CRYZL1: variants seen among roughly 807,000 people sequenced by gnomAD.
CRYZL1 encodes crystallin zeta like 1, also known as ferry endosomal RAB5 effector complex subunit 4.
In CRYZL1, 34 loss-of-function variants were observed where a neutral mutation model predicts 50.6. The observed-to-expected ratio is 0.67, with a 90% CI of 0.51 to 0.89. The LOEUF (loss-of-function observed/expected upper bound fraction) is 0.89. Among genes scored for constraint, CRYZL1 ranks in the 40% least tolerant of loss-of-function variants. CRYZL1 has a pLI of 0.00. For missense variants in CRYZL1, 354 were observed against 402.3 expected (o/e 0.88, Z 1.03); for synonymous variants, 125 against 134.3 (o/e 0.93, Z 0.48).
chr21:33,611,234 A>G (rs888839414), intron 6 of CRYZL1, among the ~76,000 whole-genome samples: 2 of 152,196 alleles, frequency 1.3e-5, no homozygotes, highest in Non-Finnish European at 2.9e-5. Context: ...ATTTCAAGAT[A>G]GCTCTGGATT....
intron 2 of CRYZL1, among the ~76,000 whole-genome samples, chr21:33,629,922 T>C (rs183234866): frequency 1.4e-4 from 22 of 152,362 alleles, no homozygotes; most frequent in African/African-American, 4.8e-4. Context: ...GCCTAATTTA[T>C]GTAGGATTTT....
intron 1 of CRYZL1, among the ~76,000 whole-genome samples, chr21:33,636,968 G>T (rs1339663552): frequency 1.3e-5 from 2 of 152,024 alleles, no homozygotes; most frequent in Non-Finnish European, 2.9e-5. Context: ...CACTGCGCCC[G>T]GCTAATTTTT....
intron 1 of CRYZL1, 78 bp from the exon 2 acceptor site, chr21:33,631,635 C>A: frequency 1.1e-6 from 1 of 928,408 alleles, no homozygotes; most frequent in Non-Finnish European, 1.5e-6. Context: ...AAAAACAGTG[C>A]TGGCAAAGGA....
intron 4 of CRYZL1, 63 bp downstream of exon 4, chr21:33,621,933 T>A (rs1437764416): frequency 2.8e-6 from 3 of 1,088,414 alleles, no homozygotes; most frequent in Non-Finnish European, 4.0e-6. Context: ...GTAAACCAAT[T>A]AGCTACATTT....
rs1255912604 is a variant in CRYZL1 at position 33,599,233 on chromosome 21, A to T, written c.593T>A (p.Val198Glu). ...AGCAACATGAACTTTCCCATTAGATACATCAATCACTCGGGCTGTAAAGGA... is the reference window on the plus strand; with the variant it reads ...AGCAACATGAACTTTCCCATTAGATTCATCAATCACTCGGGCTGTAAAGGA... ...FRPPIARVID[V>E]SNGKVHVAES... is the part of the protein sequence containing the mutation. Residue 198 changes from valine to glutamate, a missense_variant, in exon 9 of 13, where the codon GTA (valine) becomes GAA (glutamate). Val to Glu is a moderately radical substitution (Grantham distance 121). Transcript: ENST00000381554. The T allele has an allele frequency of 1.9e-6, 3 of 1,613,704 alleles. No individual in the cohort carries two copies. The highest frequency in any genetic ancestry group is 2.5e-6 in the Non-Finnish European group (3 of 1,179,728).
At chr21:33,596,661 T>A (rs577407437) in intron 10 of CRYZL1, among the ~76,000 whole-genome samples, 41 of 151,468 alleles carry the variant, frequency 2.7e-4, no homozygotes, top group African/African-American at 8.7e-4. Flanking sequence ...AATAAAAAAA[T>A]AAAATAAAAT....
chr21:33,591,282 G>T, intron 11 of CRYZL1, 75 bp from the exon 12 acceptor site: 1 of 1,177,642 alleles, frequency 8.5e-7, no homozygotes, highest in Non-Finnish European at 1.3e-6. Context: ...GAGGATGCCA[G>T]GCAGGCCACT....
rs770093300 is a variant in CRYZL1 at position 33,603,428 on chromosome 21, T to C, written c.441A>G (p.Ser147=). ...HYLSHLSPGK[S]VLIMDGASAF... is the part of the protein sequence containing the mutation. The stretch of plus-strand genomic sequence containing the variant: ...CACTTGCTCCATCCATTATCAGCAC[T>C]GATTTTCCAGGAGAGAGATGAGAAA... The change falls in exon 7 of 13, where the codon TCA becomes TCG. Residue 147 remains serine, a synonymous_variant. Transcript: ENST00000381554. The C allele has an allele frequency of 6.2e-7, 1 of 1,614,176 alleles. No homozygotes were observed. The highest frequency in any genetic ancestry group is 1.1e-5 in the South Asian group (1 of 91,090).
chr21:33,625,978 AT>A (rs985434983), intron 2 of CRYZL1, among the ~76,000 whole-genome samples: 1 of 148,072 alleles, frequency 6.8e-6, no homozygotes, highest in Non-Finnish European at 1.5e-5. Flanking sequence ...TTCTTTTTTC[AT>A]TTTTTTTTGA....
intron 8 of CRYZL1, among the ~76,000 whole-genome samples, chr21:33,599,506 G>T (rs867205185): frequency 1.3e-5 from 2 of 152,296 alleles, no homozygotes; most frequent in Admixed American, 6.5e-5. Flanking sequence ...TTGTGGAGAA[G>T]GTGATCCAAG....
chr21:33,640,889 G>C (rs143550633), intron 1 of CRYZL1, among the ~76,000 whole-genome samples: 151 of 152,256 alleles, frequency 9.9e-4, no homozygotes, highest in African/African-American at 3.4e-3. Flanking sequence ...ACGAAGAAAA[G>C]AACGTAAAAT....
At position 33,591,402 on chromosome 21, in the gene CRYZL1, G is replaced by A. The variant is rs936236542; in HGVS notation, c.905-195C>T. 12 of 589,210 alleles carry A rather than the reference G, an allele frequency of 2.0e-5. No individual in the cohort carries two copies. In the African/African-American group the frequency reaches 2.2e-4, roughly 11 times the overall value. 36.5% of individuals were successfully genotyped at this position (589,210 alleles called of 1,614,324 possible). On this transcript the variant is annotated intron_variant, in intron 11 of 12. Transcript: ENST00000381554. ...ACAGGGAAATGATTTGAGAGTTGGT[G>A]GTGTAATAGAGCCTAAATTTCCAAG...
At chr21:33,599,824 AG>A (rs989298607) in intron 8 of CRYZL1, among the ~76,000 whole-genome samples, 1 of 151,298 alleles carries the variant, frequency 6.6e-6, no homozygotes, top group African/African-American at 2.4e-5. Flanking sequence ...TTGTAGGGAG[AG>A]GGTCTTGCTA....
At chr21:33,593,371 G>T (rs188383193) in intron 11 of CRYZL1, among the ~76,000 whole-genome samples, 4 of 152,218 alleles carry the variant, frequency 2.6e-5, no homozygotes, top group Admixed American at 1.3e-4. Flanking sequence ...CTCCCAAAGT[G>T]CTGGGATTAC....
chr21:33,633,419 CTT>C (rs912871391), intron 1 of CRYZL1, among the ~76,000 whole-genome samples: 1 of 147,984 alleles, frequency 6.8e-6, no homozygotes, highest in African/African-American at 2.5e-5. Flanking sequence ...AAGTTGAATA[CTT>C]TTTTTTTTTC....
intron 2 of CRYZL1, among the ~76,000 whole-genome samples, chr21:33,625,397 C>T (rs747959002): frequency 4.6e-5 from 7 of 152,102 alleles, no homozygotes; most frequent in East Asian, 1.9e-4. Context: ...CCTTGTGATC[C>T]GCCCGCCTCG....
intron 2 of CRYZL1, among the ~76,000 whole-genome samples, chr21:33,625,465 A>G (rs2087050912): frequency 6.6e-6 from 1 of 150,840 alleles, no homozygotes; most frequent in Non-Finnish European, 1.5e-5. Context: ...GGCCTTTACT[A>G]ATTTTTAGAA....
At chr21:33,605,530 C>CTTTT (rs146096008) in intron 6 of CRYZL1, among the ~76,000 whole-genome samples, 1 of 53,196 alleles carries the variant, frequency 1.9e-5, no homozygotes, top group Non-Finnish European at 3.2e-5. Context: ...TACAAGAATT[C>CTTTT]TTTTTTTTTT....
chr21:33,620,301 T>G (rs2086979372), intron 4 of CRYZL1, among the ~76,000 whole-genome samples: 1 of 152,184 alleles, frequency 6.6e-6, no homozygotes, highest in African/African-American at 2.4e-5. Context: ...ATATTAAGTA[T>G]AGGTCTATTT....
Sources: allele counts gnomAD v4.1 joint callset (sites outside exome capture counted in the v4.1 genomes callset), GRCh38; gene constraint gnomAD v4.1.1; transcripts MANE v1.5; gene names NCBI Gene and HGNC (gene_info 2026-07-23, HGNC 2026-07-21).